The following DCTN4 variants were observed in gnomAD, a reference collection of about 807,000 sequenced individuals.
The protein encoded by DCTN4 is dynactin subunit 4.
DCTN4 carries 23 observed loss-of-function variants against 62.7 expected under a neutral mutation model. That is an observed-to-expected ratio of 0.37 (90% CI 0.26 to 0.52). The LOEUF is 0.52. Among genes scored for constraint, DCTN4 ranks in the 20% least tolerant of loss-of-function variants. The pLI is 0.92. For missense variants in DCTN4, 514 were observed against 580.4 expected (o/e 0.89, Z 1.18); for synonymous variants, 199 against 202.1 (o/e 0.98, Z 0.13).
intron 4 of DCTN4, chr5:150,736,296 G>C (rs1457117088): frequency 1.3e-5 from 2 of 151,942 alleles, no homozygotes; most frequent in Non-Finnish European, 2.9e-5. Context: ...TCACCACCTA[G>C]GCACACAGTC....
intron 8 of DCTN4, 29 bp from the exon 9 acceptor site, chr5:150,723,009 C>A: frequency 6.8e-7 from 1 of 1,479,514 alleles, no homozygotes; most frequent in South Asian, 1.2e-5. Context: ...TAACACGTAT[C>A]AGAAGACAAC....
intron 3 of DCTN4, among the ~76,000 whole-genome samples, chr5:150,751,965 T>C (rs1024980261): frequency 1.3e-5 from 2 of 152,210 alleles, no homozygotes; most frequent in East Asian, 1.9e-4. Flanking sequence ...TTTAGTTATG[T>C]CAAATGACAT....
At chr5:150,754,939 G>T (rs893330387) in intron 2 of DCTN4, among the ~76,000 whole-genome samples, 3 of 151,218 alleles carry the variant, frequency 2.0e-5, no homozygotes, top group Non-Finnish European at 4.4e-5. Flanking sequence ...CTTCAACCTA[G>T]GCGCCAAAGT....
At chr5:150,729,922 T>A (rs1213388480) in intron 8 of DCTN4, among the ~76,000 whole-genome samples, 3 of 152,176 alleles carry the variant, frequency 2.0e-5, no homozygotes, top group Non-Finnish European at 4.4e-5. Flanking sequence ...TTTGTTTGAA[T>A]CCGAATCTAC....
In DCTN4 at chr5:150,740,266, T is replaced by G. The variant is rs182072989; in HGVS notation, c.429+1848A>C. Among the ~76,000 whole-genome samples, 524 of 151,862 alleles carry G rather than the reference T, an allele frequency of 3.5e-3. 3 individuals carry two copies. Among genetic ancestry groups the G allele is most frequent in the African/African-American group, 0.012 (497 of 41,386 alleles). ...CCCATTAAAAAGTAGGCAGAGGACA[T>G]GAATAGACATTTCTCAAAGATACAC... is the stretch of plus-strand genomic sequence containing the variant. On this transcript the variant is annotated intron_variant, in intron 4 of 12. Transcript: ENST00000447998.
At chr5:150,730,841 G>C in intron 7 of DCTN4, 101 bp from the exon 8 acceptor site, 1 of 991,490 alleles carries the variant, frequency 1.0e-6, no homozygotes, top group South Asian at 1.4e-5. Flanking sequence ...TTTACGAACA[G>C]TGTTGTTCAT....
intron 1 of DCTN4, chr5:150,758,241 C>T (rs138514206): frequency 7.3e-4 from 723 of 985,570 alleles, no homozygotes; most frequent in Middle Eastern, 1.6e-3. Flanking sequence ...ACTTCGGACG[C>T]CCACTTGTGC....
intron 2 of DCTN4, 78 bp from the exon 3 acceptor site, chr5:150,753,735 G>C: frequency 1.4e-6 from 2 of 1,424,742 alleles, no homozygotes; most frequent in South Asian, 2.7e-5. Context: ...ATAAGGACAA[G>C]TGTCTCTCAA....
chr5:150,752,153 A>C (rs1354439769), intron 3 of DCTN4, among the ~76,000 whole-genome samples: 1 of 152,220 alleles, frequency 6.6e-6, no homozygotes, highest in Non-Finnish European at 1.5e-5. Context: ...ATAAATAGCA[A>C]CTCAAGATTT....
intron 3 of DCTN4, among the ~76,000 whole-genome samples, chr5:150,750,231 T>C (rs1752624810): frequency 6.6e-6 from 1 of 152,168 alleles, no homozygotes; most frequent in Non-Finnish European, 1.5e-5. Context: ...ATAAATTATA[T>C]ATTGGTAAAG....
intron 2 of DCTN4, among the ~76,000 whole-genome samples, chr5:150,754,466 G>A (rs771775875): frequency 6.6e-6 from 1 of 152,156 alleles, no homozygotes; most frequent in Non-Finnish European, 1.5e-5. Context: ...TACTTCTCAG[G>A]GCAGGAAAGA....
intron 11 of DCTN4, 88 bp downstream of exon 11, chr5:150,718,188 G>A: frequency 2.5e-6 from 2 of 799,072 alleles, no homozygotes; most frequent in Non-Finnish European, 4.0e-6. Flanking sequence ...ATGTGGAAAG[G>A]AGAGTGTGTG....
intron 4 of DCTN4, among the ~76,000 whole-genome samples, chr5:150,739,963 A>G (rs542799746): frequency 1.8e-4 from 28 of 152,216 alleles, no homozygotes; most frequent in Non-Finnish European, 3.1e-4. Flanking sequence ...AAGACCTGAA[A>G]CCATAAAAAT....
intron 3 of DCTN4, among the ~76,000 whole-genome samples, chr5:150,747,895 C>T (rs1438829449): frequency 2.1e-5 from 3 of 145,640 alleles, no homozygotes; most frequent in Non-Finnish European, 4.5e-5. Flanking sequence ...GACTTCATGT[C>T]TAAAACACCA....
At chr5:150,718,469 A>G in intron 10 of DCTN4, 86 bp from the exon 11 acceptor site, 1 of 828,694 alleles carries the variant, frequency 1.2e-6, no homozygotes, top group Non-Finnish European at 2.0e-6. Context: ...CATCCCCGCC[A>G]TTACTCCTGG....
intron 2 of DCTN4, among the ~76,000 whole-genome samples, chr5:150,754,594 T>C (rs568585941): frequency 6.6e-5 from 10 of 152,272 alleles, no homozygotes; most frequent in African/African-American, 2.4e-4. Flanking sequence ...CTAGCAGCCA[T>C]ATCTTGGTTT....
chr5:150,756,833 A>G (rs1752882371), intron 1 of DCTN4, among the ~76,000 whole-genome samples: 1 of 152,214 alleles, frequency 6.6e-6, no homozygotes, highest in Non-Finnish European at 1.5e-5. Flanking sequence ...GTGATAAAAT[A>G]TCCTCCTGTC....
At chr5:150,733,054 C>T (rs1341638699) in intron 5 of DCTN4, among the ~76,000 whole-genome samples, 5 of 152,186 alleles carry the variant, frequency 3.3e-5, no homozygotes, top group African/African-American at 1.2e-4. Flanking sequence ...TCTTCTCAGA[C>T]TTTCTGTAAT....
At chr5:150,711,767 G>A (rs2151464330) in intron 12 of DCTN4, among the ~76,000 whole-genome samples, 1 of 152,188 alleles carries the variant, frequency 6.6e-6, no homozygotes, top group East Asian at 1.9e-4. Context: ...TGATCTGCTT[G>A]CCTTGGCCTC....
Sources: allele counts gnomAD v4.1 joint callset (sites outside exome capture counted in the v4.1 genomes callset), GRCh38; gene constraint gnomAD v4.1.1; transcripts MANE v1.5; gene names NCBI Gene and HGNC (gene_info 2026-07-23, HGNC 2026-07-21).